RALYL: variants seen among roughly 807,000 people sequenced by gnomAD.
RALYL encodes RNA-binding Raly-like protein.
Under a neutral mutation model 35.1 loss-of-function variants are expected in RALYL, and 29 were observed. That is an observed-to-expected ratio of 0.83 (90% confidence interval 0.61 to 1.13). The LOEUF is 1.13. RALYL is among the 50% of genes most tolerant of loss of function. RALYL has a pLI of 0.00. For synonymous variants in RALYL, 120 were observed against 127.6 expected (o/e 0.94, Z 0.40); for missense variants, 359 against 360.4 (o/e 1.00, Z 0.03).
intron 2 of RALYL, among the ~76,000 whole-genome samples, chr8:84,673,832 T>C (rs915133454): frequency 6.6e-6 from 1 of 152,224 alleles, no homozygotes; most frequent in African/African-American, 2.4e-5. Context: ...GTTTTGTTTC[T>C]TTTGTTTAGG....
intron 4 of RALYL, among the ~76,000 whole-genome samples, chr8:84,842,140 A>T (rs1833537835): frequency 6.6e-6 from 1 of 152,240 alleles, no homozygotes; most frequent in African/African-American, 2.4e-5. Flanking sequence ...AAGGAAATAG[A>T]GACACAAAAA....
intron 1 of RALYL, among the ~76,000 whole-genome samples, chr8:84,442,106 G>C (rs2048388020): frequency 6.6e-6 from 1 of 152,068 alleles, no homozygotes; most frequent in Admixed American, 6.6e-5. Context: ...GAAAGAAATG[G>C]AGGAAGAACC....
intron 1 of RALYL, among the ~76,000 whole-genome samples, chr8:84,213,586 A>G (rs1025074977): frequency 9.9e-5 from 15 of 152,208 alleles, no homozygotes; most frequent in Non-Finnish European, 8.8e-5. Flanking sequence ...TCTCAAAAGG[A>G]AATTGTGTGT....
At chr8:84,271,950 A>T (rs1363800947) in intron 1 of RALYL, among the ~76,000 whole-genome samples, 1 of 152,192 alleles carries the variant, frequency 6.6e-6, no homozygotes, top group African/African-American at 2.4e-5. Flanking sequence ...TTGTGTGCTT[A>T]AAATAGATGA....
At chr8:84,321,041 G>C (rs1247098393) in intron 1 of RALYL, among the ~76,000 whole-genome samples, 4 of 152,080 alleles carry the variant, frequency 2.6e-5, no homozygotes, top group South Asian at 4.1e-4. Context: ...GGTTAGGGGA[G>C]ACTTCTATTT....
At chr8:84,241,028 T>C (rs1474710064) in intron 1 of RALYL, among the ~76,000 whole-genome samples, 1 of 152,032 alleles carries the variant, frequency 6.6e-6, no homozygotes, top group African/African-American at 2.4e-5. Flanking sequence ...AGATATACTG[T>C]CATTTCTAAA....
chr8:84,795,940 A>G (rs1821808579), intron 3 of RALYL, among the ~76,000 whole-genome samples: 1 of 152,168 alleles, frequency 6.6e-6, no homozygotes, highest in South Asian at 2.1e-4. Flanking sequence ...CAATTTTTCA[A>G]TGTTGATAGG....
Position 84,412,180 on chromosome 8 carries a change from C to CA in RALYL, c.-23-117110dup, listed in dbSNP as rs529185392. On this transcript the variant is annotated intron_variant, in intron 1 of 8. Coordinates refer to ENST00000521268, the MANE Select transcript of RALYL (RefSeq NM_173848.7). ...ATTATATTACTTATTGTCTAGACAG[C>CA]AAAAAAAAATACAAAGATACAAATC... Among the ~76,000 whole-genome samples the CA allele has an allele frequency of 2.0e-3, 302 of 147,480 alleles. 4 individuals carry two copies. Among genetic ancestry groups the CA allele is most frequent in the South Asian group, 4.3e-3 (20 of 4,688 alleles).
chr8:84,436,782 T>G (rs1220766835), intron 1 of RALYL, among the ~76,000 whole-genome samples: 1 of 151,434 alleles, frequency 6.6e-6, no homozygotes, highest in Non-Finnish European at 1.5e-5. Context: ...TCCATGACTC[T>G]CAAAAGTTTC....
At chr8:84,910,728 A>C (rs1168949172) in intron 8 of RALYL, among the ~76,000 whole-genome samples, 4 of 151,986 alleles carry the variant, frequency 2.6e-5, no homozygotes, top group Admixed American at 2.6e-4. Flanking sequence ...CCAGAGAATC[A>C]ATCTTTGTTC....
chr8:84,790,662 G>T (rs1367082092), intron 3 of RALYL, among the ~76,000 whole-genome samples: 1 of 152,100 alleles, frequency 6.6e-6, no homozygotes, highest in Non-Finnish European at 1.5e-5. Flanking sequence ...GAATTTAATT[G>T]AGCAAAAAAC....
At chr8:84,404,675 T>C (rs2043277370) in intron 1 of RALYL, among the ~76,000 whole-genome samples, 1 of 152,306 alleles carries the variant, frequency 6.6e-6, no homozygotes. Context: ...ATCAGGATGA[T>C]GCTAGCCTCA....
chr8:84,669,243 G>A (rs1232332778), intron 2 of RALYL, among the ~76,000 whole-genome samples: 2 of 152,146 alleles, frequency 1.3e-5, no homozygotes, highest in Non-Finnish European at 2.9e-5. Flanking sequence ...TAATTCGGCA[G>A]TCATCCCTTT....
intron 1 of RALYL, among the ~76,000 whole-genome samples, chr8:84,309,334 CTTAA>C (rs1471347927): frequency 6.6e-6 from 1 of 151,358 alleles, no homozygotes; most frequent in East Asian, 1.9e-4. Context: ...TAAAAACAGT[CTTAA>C]TTAAGCAAAT....
chr8:84,638,913 T>C lies in RALYL; in HGVS notation c.256+109336T>C, dbSNP rs983052212. Among the ~76,000 whole-genome samples, 6 of 123,934 alleles carry C rather than the reference T, an allele frequency of 4.8e-5. 1 individual carries two copies. Among genetic ancestry groups the C allele is most frequent in the Admixed American group, 1.6e-4 (2 of 12,416 alleles). 81.3% of individuals were successfully genotyped at this position (123,934 alleles called of 152,430 possible). A position where few individuals can be genotyped will look rare whatever the true frequency, so the allele number is the denominator to read the frequency against. ...ATATATATATATATATATATATATATATATATATTCTCTCACAATATAACC... is the reference window on the plus strand; with the variant it reads ...ATATATATATATATATATATATATACATATATATTCTCTCACAATATAACC... On this transcript the variant is annotated intron_variant, in intron 2 of 8. Coordinates refer to ENST00000521268, the MANE Select transcript of RALYL (RefSeq NM_173848.7).
Position 84,610,161 on chromosome 8 carries a change from AT to A in RALYL, c.256+80591del, listed in dbSNP as rs1242698206. Among the ~76,000 whole-genome samples, 4 of 151,886 alleles carry A rather than the reference AT, an allele frequency of 2.6e-5. 1 individual carries two copies. In the South Asian group the frequency reaches 8.3e-4, roughly 32 times the overall value. ...TAACTAAAATCCAAAGTTTATTAAGATTTTTTTCTTTTAGTTTTTACCGAAT... is the reference window on the plus strand; with the variant it reads ...TAACTAAAATCCAAAGTTTATTAAGATTTTTTCTTTTAGTTTTTACCGAAT... On this transcript the variant is annotated intron_variant, in intron 2 of 8. Coordinates refer to ENST00000521268, the MANE Select transcript of RALYL (RefSeq NM_173848.7).
chr8:84,257,420 G>A (rs2131757478), intron 1 of RALYL, among the ~76,000 whole-genome samples: 1 of 152,168 alleles, frequency 6.6e-6, no homozygotes, highest in African/African-American at 2.4e-5. Context: ...GGCTATGCCT[G>A]GAGTTGAAGG....
Position 84,248,613 on chromosome 8 carries a change from T to C in RALYL, c.-24+64189T>C, listed in dbSNP as rs563548100. On this transcript the variant is annotated intron_variant, in intron 1 of 8. Coordinates refer to ENST00000521268, the MANE Select transcript of RALYL (RefSeq NM_173848.7). ...TTTCTCTCCTGCTTTTAGATTTACA[T>C]TGTGAGGCTGTAGATGGAGAAAACA... Among the ~76,000 whole-genome samples, 30 of 152,228 alleles carry C rather than the reference T, an allele frequency of 2.0e-4. No homozygotes were observed. The South Asian group carries it at 6.0e-3, about 30-fold the overall frequency.
intron 1 of RALYL, among the ~76,000 whole-genome samples, chr8:84,433,577 T>C (rs537318544): frequency 6.6e-6 from 1 of 152,088 alleles, no homozygotes; most frequent in South Asian, 2.1e-4. Context: ...ATTCTTCTGA[T>C]GGTGAATAGG....
Sources: gnomAD v4.1 joint callset for allele counts (sites outside exome capture counted in the v4.1 genomes callset) on GRCh38, gnomAD v4.1.1 for gene constraint, MANE v1.5 for transcripts, NCBI Gene and HGNC (gene_info 2026-07-23, HGNC 2026-07-21) for gene names.